The following SI variants were observed in gnomAD, a reference collection of about 807,000 sequenced individuals.
SI encodes the protein sucrase-isomaltase, intestinal.
Under a neutral mutation model 253.3 loss-of-function variants are expected in SI, and 235 were observed. The ratio of observed to expected loss-of-function variants is 0.93; its 90% confidence interval spans 0.83 to 1.03. SI has a LOEUF of 1.03. Ranked by LOEUF, SI falls within the 50% of genes least tolerant of loss-of-function variation. SI has a pLI of 0.00. For synonymous variants in SI, 819 were observed against 712.0 expected (o/e 1.15, Z -2.39); for missense variants, 2,442 against 2,211.1 (o/e 1.10, Z -2.09).
intron 18 of SI, among the ~76,000 whole-genome samples, chr3:165,040,520 C>T (rs1560002889): frequency 6.6e-6 from 1 of 151,918 alleles, no homozygotes; most frequent in Non-Finnish European, 1.5e-5. Flanking sequence ...TTAAAAGGAT[C>T]TTTAAGTCAT....
At chr3:165,004,624 A>T (rs913071233) in intron 37 of SI, among the ~76,000 whole-genome samples, 1 of 152,144 alleles carries the variant, frequency 6.6e-6, no homozygotes, top group Non-Finnish European at 1.5e-5. Flanking sequence ...AAAAGAATAA[A>T]ATCCTGTCAT....
upstream of SI, among the ~76,000 whole-genome samples, chr3:165,079,854 TG>T (rs1715235686): frequency 1.3e-5 from 2 of 151,720 alleles, 1 homozygote; most frequent in South Asian, 4.1e-4. Context: ...CACCAAAAAA[TG>T]TTGATGAAAA....
intron 47 of SI, among the ~76,000 whole-genome samples, chr3:164,980,408 G>C (rs1056766211): frequency 6.6e-6 from 1 of 151,808 alleles, no homozygotes; most frequent in African/African-American, 2.4e-5. Context: ...GGACATAATT[G>C]TTACTAGAAA....
chr3:165,001,647 T>G (rs1466284217), intron 37 of SI, among the ~76,000 whole-genome samples: 1 of 151,470 alleles, frequency 6.6e-6, no homozygotes, highest in African/African-American at 2.4e-5. Flanking sequence ...TATTCATCTA[T>G]ATCATTCAGA....
At position 165,055,200 on chromosome 3, in the gene SI, A is replaced by C. The variant is rs113511967; in HGVS notation, c.1506T>G (p.Leu502=). The C allele has an allele frequency of 3.0e-4, 479 of 1,590,642 alleles. 2 individuals carry two copies. In the African/African-American group the frequency reaches 5.3e-3, roughly 17 times the overall value. The change falls in exon 13 of 48, where the codon CTT becomes CTG. Residue 502 remains leucine, a synonymous_variant. Coordinates refer to ENST00000264382, the MANE Select transcript of SI (RefSeq NM_001041.4). ...IFHQEVQYDG[L]WIDMNEVSSF... is the part of the protein sequence containing the mutation. ...GTTTAAAATAGCTACTTACAATCCA[A>C]AGTCCATCATATTGCACTTCTTGAT...
chr3:165,010,435 A>G (rs1431443524), intron 34 of SI, among the ~76,000 whole-genome samples: 1 of 152,180 alleles, frequency 6.6e-6, no homozygotes, highest in Non-Finnish European at 1.5e-5. Flanking sequence ...TGCTGGGATT[A>G]CAGGCGTGAG....
chr3:164,982,769 A>G (rs6774476), intron 46 of SI, among the ~76,000 whole-genome samples: 7,324 of 151,990 alleles, frequency 0.048, 603 homozygotes, highest in African/African-American at 0.17. Context: ...GTGACCCTCT[A>G]GCCTCAGCCT....
intron 6 of SI, among the ~76,000 whole-genome samples, chr3:165,067,079 A>AATAT (rs1337552329): frequency 6.6e-6 from 1 of 151,958 alleles, no homozygotes; most frequent in African/African-American, 2.4e-5. Flanking sequence ...GGTATGTACA[A>AATAT]ATATATGCAA....
At chr3:165,040,455 T>C (rs572082549) in intron 18 of SI, among the ~76,000 whole-genome samples, 67 of 152,216 alleles carry the variant, frequency 4.4e-4, no homozygotes, top group Non-Finnish European at 6.3e-4. Flanking sequence ...AAATCTTTCA[T>C]GTTCTACTTT....
In SI at chr3:165,017,801, A is replaced by C; in HGVS notation, c.3593T>G (p.Leu1198Trp). Residue 1198 changes from leucine to tryptophan, a missense_variant, in exon 30 of 48, where the codon TTG becomes TGG. Transcript: ENST00000264382. ...VGGILDFYMF[L>W]GPTPEVATKQ... ...TGTTGCAACTTCTGGAGTTGGGCCC[A>C]AAAACATATAAAAATCCAAGATCCC... The C allele has an allele frequency of 6.2e-7, 1 of 1,612,848 alleles. No homozygotes were observed. Among genetic ancestry groups the C allele is most frequent in the Non-Finnish European group, 8.5e-7 (1 of 1,179,116 alleles).
At chr3:165,050,508 A>G (rs774250877) in intron 13 of SI, among the ~76,000 whole-genome samples, 4 of 152,094 alleles carry the variant, frequency 2.6e-5, no homozygotes, top group Non-Finnish European at 5.9e-5. Context: ...TAGCCATTTT[A>G]ACATAGGCCC....
intron 25 of SI, among the ~76,000 whole-genome samples, chr3:165,027,393 C>G (rs1378192893): frequency 6.6e-6 from 1 of 151,186 alleles, no homozygotes; most frequent in Non-Finnish European, 1.5e-5. Flanking sequence ...ATAATTGGTA[C>G]CAATCTATTG....
At chr3:164,987,613 G>T (rs1184419029) in intron 44 of SI, among the ~76,000 whole-genome samples, 3 of 152,004 alleles carry the variant, frequency 2.0e-5, no homozygotes. Context: ...GGAGGCTGAG[G>T]CAGGGCAATT....
At chr3:165,060,855 T>G (rs925254515) in intron 9 of SI, among the ~76,000 whole-genome samples, 1 of 145,934 alleles carries the variant, frequency 6.9e-6, no homozygotes, top group African/African-American at 2.5e-5. Context: ...ATCTGGTATA[T>G]ATATTAAAAA....
intron 15 of SI, among the ~76,000 whole-genome samples, chr3:165,047,473 C>A (rs1713184480): frequency 6.6e-6 from 1 of 151,928 alleles, no homozygotes; most frequent in African/African-American, 2.4e-5. Context: ...GGCTAATACA[C>A]CATGCCATAA....
chr3:165,054,544 G>A (rs1238664494), intron 13 of SI, among the ~76,000 whole-genome samples: 4 of 151,890 alleles, frequency 2.6e-5, no homozygotes, highest in African/African-American at 7.3e-5. Flanking sequence ...TAGTAGAGAC[G>A]GGGTTTCACC....
At chr3:165,027,206 A>T (rs1711974767) in intron 25 of SI, among the ~76,000 whole-genome samples, 1 of 151,344 alleles carries the variant, frequency 6.6e-6, no homozygotes, top group Non-Finnish European at 1.5e-5. Context: ...CATAAATTAG[A>T]TGACCTAGAA....
chr3:165,005,758 A>AT (rs1050641166), intron 37 of SI, among the ~76,000 whole-genome samples: 5 of 152,032 alleles, frequency 3.3e-5, no homozygotes, highest in Middle Eastern at 3.4e-3. Flanking sequence ...ATATTTATTT[A>AT]TTTTTTCAGA....
At chr3:165,072,415 A>G (rs879310739) in intron 3 of SI, among the ~76,000 whole-genome samples, 2 of 151,804 alleles carry the variant, frequency 1.3e-5, no homozygotes, top group Non-Finnish European at 2.9e-5. Flanking sequence ...GCTATAAATA[A>G]CAACAACAAC....
Sources: allele counts gnomAD v4.1 joint callset (sites outside exome capture counted in the v4.1 genomes callset), GRCh38; gene constraint gnomAD v4.1.1; transcripts MANE v1.5; gene names NCBI Gene and HGNC (gene_info 2026-07-23, HGNC 2026-07-21).